Variants in TRIO observed in about 807,000 individuals in gnomAD.
TRIO encodes trio Rho guanine nucleotide exchange factor.
TRIO carries 58 observed loss-of-function variants against 351.9 expected under a neutral mutation model. The ratio of observed to expected loss-of-function variants is 0.16; its 90% CI spans 0.13 to 0.21. The LOEUF (loss-of-function observed/expected upper bound fraction) is 0.21. TRIO is among the 10% of genes least tolerant of loss of function. The pLI is 1.00. For synonymous variants in TRIO, 1,758 were observed against 1,595.7 expected, an observed-to-expected ratio of 1.10 and a Z score of -2.42; for missense variants, 3,201 against 4,027.8, an observed-to-expected ratio of 0.79 and a Z score of 5.56.
chr5:14,270,275 C>T (rs1185666270), intron 1 of TRIO, among the ~76,000 whole-genome samples: 2 of 152,166 alleles, frequency 1.3e-5, no homozygotes, highest in African/African-American at 4.8e-5. Context: ...GACATTCCTC[C>T]AGGGGGCATG....
chr5:14,485,682 C>A (rs1181944026), intron 47 of TRIO, among the ~76,000 whole-genome samples: 1 of 152,054 alleles, frequency 6.6e-6, no homozygotes, highest in Admixed American at 6.6e-5. Flanking sequence ...CCTCCTTTCC[C>A]CATTAAAAAA....
chr5:14,261,754 C>G (rs576492626), intron 1 of TRIO, among the ~76,000 whole-genome samples: 2 of 152,304 alleles, frequency 1.3e-5, no homozygotes, highest in African/African-American at 4.8e-5. Flanking sequence ...AAAGCAGAGT[C>G]TCCTCTTTCC....
At chr5:14,162,478 G>A (rs922147767) in intron 1 of TRIO, among the ~76,000 whole-genome samples, 9 of 152,164 alleles carry the variant, frequency 5.9e-5, no homozygotes, top group African/African-American at 2.2e-4. Flanking sequence ...TATAAAAATG[G>A]CAGAGTTCAT....
rs1404498762 is a variant in TRIO, at chr5:14,497,801, A to C, written c.8020-46A>C. On this transcript the variant is annotated intron_variant, in intron 50 of 56. Coordinates refer to ENST00000344204, the MANE Select transcript of TRIO (RefSeq NM_007118.4). This position sits in a 1 kb window ranked among gnomAD's most constrained non-coding sequence, Gnocchi z 4.4. ...CCCTGGAATGAAAGGAATACACCTT[A>C]AAGTAGCTCATTTCAGTTAATGCTT... The C allele has an allele frequency of 6.2e-7, 1 of 1,612,722 alleles. No homozygotes were observed. The highest frequency in any genetic ancestry group is 1.7e-5 in the Admixed American group (1 of 60,016).
chr5:14,249,122 T>C (rs1379227935), intron 1 of TRIO, among the ~76,000 whole-genome samples: 2 of 152,084 alleles, frequency 1.3e-5, no homozygotes, highest in Non-Finnish European at 2.9e-5. Flanking sequence ...GACTTGTCGG[T>C]TTTTCAGAGG....
intron 39 of TRIO, 78 bp downstream of exon 39, chr5:14,472,736 A>G (rs1284397523): frequency 3.4e-6 from 5 of 1,452,352 alleles, no homozygotes; most frequent in Non-Finnish European, 4.8e-6. Flanking sequence ...AGACAGTTGA[A>G]CACCTCTCAA....
At chr5:14,364,552 C>G (rs962876128) in intron 14 of TRIO, 98 bp from the exon 15 acceptor site, 3 of 1,440,260 alleles carry the variant, frequency 2.1e-6, no homozygotes, top group African/African-American at 1.4e-5. Flanking sequence ...CCCAGCTGGG[C>G]AGATCATTCA....
intron 1 of TRIO, among the ~76,000 whole-genome samples, chr5:14,270,261 C>G (rs1254373327): frequency 6.6e-6 from 1 of 152,156 alleles, no homozygotes; most frequent in Non-Finnish European, 1.5e-5. Context: ...CCACATTAGC[C>G]ATTGACATTC....
intron 1 of TRIO, among the ~76,000 whole-genome samples, chr5:14,215,233 C>T (rs187163356): frequency 2.6e-5 from 4 of 152,294 alleles, no homozygotes; most frequent in African/African-American, 7.2e-5. Flanking sequence ...AAGCATGCAT[C>T]GTTTTTTATA....
At chr5:14,222,312 C>T (rs756605672) in intron 1 of TRIO, among the ~76,000 whole-genome samples, 2 of 152,172 alleles carry the variant, frequency 1.3e-5, no homozygotes, top group East Asian at 1.9e-4. Flanking sequence ...TTGTGTGACT[C>T]GCTTTATTGC....
rs1488008567 is a variant in TRIO, at chr5:14,419,916, A to G, written c.5098A>G (p.Thr1700Ala). The G allele has an allele frequency of 1.2e-6, 2 of 1,614,172 alleles. No individual in the cohort carries two copies. The highest frequency in any genetic ancestry group is 1.7e-6 in the Non-Finnish European group (2 of 1,180,016). ...HDKPDWCLVR[T>A]TDRSPAAEGL... ...CAAGCCTGACTGGTGTCTGGTGCGG[A>G]CAACTGACCGCTCCCCAGCGGCAGA... Residue 1700 changes from threonine to alanine, a missense_variant, in exon 34 of 57, where the codon ACA becomes GCA. Transcript: ENST00000344204.
At chr5:14,454,826 A>C (rs548707357) in intron 34 of TRIO, among the ~76,000 whole-genome samples, 1 of 152,164 alleles carries the variant, frequency 6.6e-6, no homozygotes, top group Non-Finnish European at 1.5e-5. Flanking sequence ...GTGGTGTTAC[A>C]GTTTTTAAAG....
At chr5:14,279,582 C>T (rs1363368168) in intron 2 of TRIO, among the ~76,000 whole-genome samples, 1 of 152,122 alleles carries the variant, frequency 6.6e-6, no homozygotes, top group Non-Finnish European at 1.5e-5. Flanking sequence ...ACAATTTTAC[C>T]ATAAGCGTTT....
At chr5:14,307,074 T>G (rs1738435481) in intron 8 of TRIO, among the ~76,000 whole-genome samples, 1 of 152,202 alleles carries the variant, frequency 6.6e-6, no homozygotes, top group Admixed American at 6.5e-5. Flanking sequence ...ATGAATTATT[T>G]TGCCTCTTAA....
In TRIO at chr5:14,489,415, C is replaced by T. The variant is rs192072598; in HGVS notation, c.7632+1155C>T. On this transcript the variant is annotated intron_variant, in intron 48 of 56. Coordinates refer to ENST00000344204, the MANE Select transcript of TRIO (RefSeq NM_007118.4). ...AAGGTGGCCTTTCAGTTAGGTTGGA[C>T]GTGCTAGGTAGGCAGGTATGCTAGG... Among the ~76,000 whole-genome samples, 66 of 152,284 alleles carry T rather than the reference C, an allele frequency of 4.3e-4. No homozygotes were observed. The East Asian group carries it at 9.5e-3, about 22-fold the overall frequency.
chr5:14,158,253 T>C (rs1480024755), intron 1 of TRIO, among the ~76,000 whole-genome samples: 2 of 151,950 alleles, frequency 1.3e-5, no homozygotes, highest in Admixed American at 1.3e-4. Flanking sequence ...GGTGAAACCC[T>C]GTCTCTACTA....
intron 21 of TRIO, among the ~76,000 whole-genome samples, chr5:14,382,916 T>C (rs1253202996): frequency 6.6e-6 from 1 of 152,000 alleles, no homozygotes; most frequent in Non-Finnish European, 1.5e-5. Flanking sequence ...ATAATAGTTA[T>C]GCACATTATA....
intron 34 of TRIO, among the ~76,000 whole-genome samples, chr5:14,453,779 C>G (rs893648286): frequency 4.6e-5 from 7 of 152,132 alleles, no homozygotes; most frequent in African/African-American, 1.7e-4. Context: ...CATTCCCAAA[C>G]CAGGCTTAGT....
intron 34 of TRIO, among the ~76,000 whole-genome samples, chr5:14,440,649 G>T (rs1316462384): frequency 6.6e-6 from 1 of 152,162 alleles, no homozygotes; most frequent in Admixed American, 6.5e-5. Context: ...AGTGAGGAGC[G>T]GCATTACAGC....
Sources: allele counts gnomAD v4.1 joint callset (sites outside exome capture counted in the v4.1 genomes callset), GRCh38; gene constraint gnomAD v4.1.1; non-coding constraint Gnocchi (gnomAD v3.1); transcripts MANE v1.5; gene names NCBI Gene and HGNC (gene_info 2026-07-23, HGNC 2026-07-21).